The following DMRTB1 variants were observed in gnomAD, a reference collection of about 807,000 sequenced individuals.
DMRTB1 encodes the protein DMRT like family B with proline rich C-terminal 1.
DMRTB1 carries 9 observed loss-of-function variants against 25.2 expected under a neutral mutation model. The ratio of observed to expected loss-of-function variants is 0.36; its 90% CI spans 0.22 to 0.62. The LOEUF is 0.62. Among genes scored for constraint, DMRTB1 ranks in the 20% least tolerant of loss-of-function variants. DMRTB1 has a pLI of 0.71. For synonymous variants in DMRTB1, 269 were observed against 238.1 expected, an observed-to-expected ratio of 1.13 and a Z score of -1.20; for missense variants, 551 against 499.3, an observed-to-expected ratio of 1.10 and a Z score of -0.99.
intron 2 of DMRTB1, among the ~76,000 whole-genome samples, chr1:53,463,855 A>G (rs896716357): frequency 6.6e-6 from 1 of 152,220 alleles, no homozygotes; most frequent in African/African-American, 2.4e-5. Flanking sequence ...ACTCAGTATT[A>G]TTTCTTACGA....
rs768118249 is a variant in DMRTB1 at position 53,461,641 on chromosome 1, G to A, written c.746G>A (p.Gly249Asp). 6.3e-7 allele frequency: 1 copy of A among 1,584,658 alleles called. No individual in the cohort carries two copies. The highest frequency in any genetic ancestry group is 8.6e-7 in the Non-Finnish European group (1 of 1,165,876). ...TCCCGCAGCCAGTACCAAGGCGGAG[G>A]CTTGGTGAGTCCCACCCCTCACTTC... The part of the protein sequence containing the change: ...HVSRSQYQGG[G>D]LVSEPGGDFQ... The change falls in exon 2 of 4, where the codon GGC (glycine) becomes GAC (aspartate). Residue 249 changes from glycine (G) to aspartate (D), a missense_variant. Coordinates refer to ENST00000371445, the MANE Select transcript of DMRTB1 (RefSeq NM_033067.3).
Position 53,459,444 on chromosome 1 carries a change from G to T in DMRTB1, c.-10G>T, listed in dbSNP as rs1000693054. 1 of 1,612,882 alleles carries T rather than the reference G, an allele frequency of 6.2e-7. No homozygotes were observed. Among genetic ancestry groups the T allele is most frequent in the South Asian group, 1.1e-5 (1 of 91,048 alleles). Reference sequence around the variant, plus strand: ...AGGTGGTGGTTGTGTTACGAAGGCTGACCCTGCCAATGGCCGACAAAATGG... The same window carrying T: ...AGGTGGTGGTTGTGTTACGAAGGCTTACCCTGCCAATGGCCGACAAAATGG... On this transcript the variant is annotated 5_prime_UTR_variant, in exon 1 of 4. Transcript: ENST00000371445.
rs746877148 is a variant in DMRTB1 at position 53,459,710 on chromosome 1, C to CCCCCGT, written c.267_272dup (p.Val90_Pro91dup). On this transcript the variant is annotated inframe_insertion, in exon 1 of 4. Transcript: ENST00000371445. ...TCCGGGGCTGCGGCCGCCGCCCCCGCCCCCGTCCCCGTCCCGGCCGCGAGC... is the reference window on the plus strand; with the variant it reads ...TCCGGGGCTGCGGCCGCCGCCCCCGCCCCCGTCCCCGTCCCCGTCCCGGCCGCGAGC... The CCCCCGT allele has an allele frequency of 4.6e-4, 665 of 1,435,738 alleles. No individual in the cohort carries two copies. Among genetic ancestry groups the CCCCCGT allele is most frequent in the East Asian group, 5.7e-4 (19 of 33,528 alleles). 88.9% of individuals were successfully genotyped at this position (1,435,738 alleles called of 1,614,324 possible). A position where few individuals can be genotyped will look rare whatever the true frequency, so the allele number is the denominator to read the frequency against.
intron 3 of DMRTB1, among the ~76,000 whole-genome samples, 171 bp downstream of exon 3, chr1:53,465,018 A>T (rs1644043828): frequency 2.0e-5 from 3 of 152,216 alleles, no homozygotes; most frequent in African/African-American, 7.2e-5. Flanking sequence ...CCCCATAGGC[A>T]CACATCTAAG....
chr1:53,459,552 G>A lies in DMRTB1; in HGVS notation c.99G>A (p.Lys33=). ...GACACGCGGGCAAATGCCGCTGGAA[G>A]CAGTGCCTCTGCGAGAAGTGCTACC... ...VKGHAGKCRW[K]QCLCEKCYLI... is the part of the protein sequence containing the mutation. Residue 33 remains lysine (K), a synonymous_variant, in exon 1 of 4, where the codon AAG becomes AAA. Coordinates refer to ENST00000371445, the MANE Select transcript of DMRTB1 (RefSeq NM_033067.3). 1.2e-6 allele frequency: 2 copies of A among 1,612,216 alleles called. No individual in the cohort carries two copies. Among genetic ancestry groups the A allele is most frequent in the Non-Finnish European group, 1.7e-6 (2 of 1,179,566 alleles).
At chr1:53,460,203 C>A in intron 1 of DMRTB1, 173 bp downstream of exon 1, 1 of 943,794 alleles carries the variant, frequency 1.1e-6, no homozygotes, top group Non-Finnish European at 1.5e-6. Context: ...TAACTTTTCG[C>A]AAAAAGGAAA....
chr1:53,460,279 CG>C, intron 1 of DMRTB1: 1 of 465,184 alleles, frequency 2.1e-6, no homozygotes, highest in Non-Finnish European at 3.6e-6. Flanking sequence ...TGTGCCATTC[CG>C]GCATGCAAGA....
chr1:53,461,574 G>A lies in DMRTB1; in HGVS notation c.679G>A (p.Ala227Thr), dbSNP rs775187163. The A allele has an allele frequency of 1.2e-6, 2 of 1,611,350 alleles. No individual in the cohort carries two copies. The highest frequency in any genetic ancestry group is 4.5e-5 in the East Asian group (2 of 44,690). Residue 227 changes from alanine (A) to threonine (T), a missense_variant, in exon 2 of 4, where the codon GCC becomes ACC. Transcript: ENST00000371445. ...CCCGTTCCCGCTGGGCTACCTGGAC[G>A]CCCCTCCTGGCGTCCCCCTGCAGCA... ...YCPFPLGYLD[A>T]PPGVPLQQGF...
In DMRTB1 at chr1:53,459,845, C is replaced by G; in HGVS notation, c.392C>G (p.Pro131Arg). 6.7e-7 allele frequency: 1 copy of G among 1,484,588 alleles called. No homozygotes were observed. The highest frequency in any genetic ancestry group is 8.9e-7 in the Non-Finnish European group (1 of 1,126,124). The allele number at this position is 1,484,588 out of a possible 1,614,324, so 92.0% of individuals were successfully genotyped here. A position where few individuals can be genotyped will look rare whatever the true frequency, so the allele number is the denominator to read the frequency against. Residue 131 changes from proline (P) to arginine (R), a missense_variant, in exon 1 of 4, where the codon CCG (proline) becomes CGG (arginine). Coordinates refer to ENST00000371445, the MANE Select transcript of DMRTB1 (RefSeq NM_033067.3). ...EQPPRGRNPG[P>R]RALQPVLGGR... ...CCCCCGCGGGGCCGGAACCCCGGCC[C>G]GAGAGCCCTCCAGCCGGTTCTGGGC...
intron 3 of DMRTB1, among the ~76,000 whole-genome samples, chr1:53,465,244 T>G: frequency 6.6e-6 from 1 of 151,776 alleles, no homozygotes; most frequent in African/African-American, 2.4e-5. Flanking sequence ...CTAGCTGGGG[T>G]AGGGGAGCAG....
intron 2 of DMRTB1, 43 bp downstream of exon 2, chr1:53,461,688 T>C (rs1644023946): frequency 6.6e-7 from 1 of 1,508,738 alleles, no homozygotes; most frequent in South Asian, 1.3e-5. Context: ...CTCCACCCAG[T>C]CTGCCCCTGC....
intron 3 of DMRTB1, 67 bp from the exon 4 acceptor site, chr1:53,466,528 C>CT (rs1644051148): frequency 7.0e-6 from 10 of 1,430,146 alleles, no homozygotes; most frequent in Admixed American, 4.0e-5. Context: ...AGAAAATCTT[C>CT]ATCTGCAAAT....
At chr1:53,461,011 CTGAGCCGAACCA>C in intron 1 of DMRTB1, among the ~76,000 whole-genome samples, 1 of 152,306 alleles carries the variant, frequency 6.6e-6, no homozygotes, top group African/African-American at 2.4e-5. Flanking sequence ...ACAAGCAGGG[CTGAGCCGAACCA>C]TGAGCCAGGC....
At chr1:53,461,789 A>T in intron 2 of DMRTB1, 144 bp downstream of exon 2, 3 of 1,017,906 alleles carry the variant, frequency 2.9e-6, no homozygotes. Context: ...AGGACTAGGC[A>T]CTGCCCAGGC....
rs1644040314 is a variant in DMRTB1, at chr1:53,464,647, CAGG to C, written c.767_769del (p.Gly256del). 1.9e-6 allele frequency: 3 copies of C among 1,613,508 alleles called. No individual in the cohort carries two copies. The highest frequency in any genetic ancestry group is 1.3e-5 in the African/African-American group (1 of 75,010). Reference sequence around the variant, plus strand: ...GTGTGTGCCGTGCAGGTGTCAGAACCAGGAGGAGACTTCCAGCCAAGCTACTAC... The same window carrying C: ...GTGTGTGCCGTGCAGGTGTCAGAACCAGGAGACTTCCAGCCAAGCTACTAC... On this transcript the variant is annotated inframe_deletion, in exon 3 of 4. Transcript: ENST00000371445.
At chr1:53,461,410 G>T in intron 1 of DMRTB1, 63 bp from the exon 2 acceptor site, 1 of 1,490,232 alleles carries the variant, frequency 6.7e-7, no homozygotes. Flanking sequence ...GCCGCCCTGG[G>T]CCGCCCTGCG....
At position 53,459,728 on chromosome 1, in the gene DMRTB1, C is replaced by T. The variant is rs1346433338; in HGVS notation, c.275C>T (p.Ala92Val). 3.8e-6 allele frequency: 5 copies of T among 1,329,756 alleles called. No individual in the cohort carries two copies. The highest frequency in any genetic ancestry group is 3.8e-6 in the Non-Finnish European group (4 of 1,041,004). 82.4% of individuals were successfully genotyped at this position (1,329,756 alleles called of 1,614,324 possible). The change falls in exon 1 of 4, where the codon GCC becomes GTC. Residue 92 changes from alanine (A) to valine (V), a missense_variant. Physicochemically the swap from Ala to Val is moderately conservative, Grantham distance 64. Coordinates refer to ENST00000371445, the MANE Select transcript of DMRTB1 (RefSeq NM_033067.3). ...AAAPAPVPVP[A>V]ASLRPLSPGT... ...GCCCCCGCCCCCGTCCCCGTCCCGGCCGCGAGCCTCCGCCCGCTGTCCCCG... is the reference window on the plus strand; with the variant it reads ...GCCCCCGCCCCCGTCCCCGTCCCGGTCGCGAGCCTCCGCCCGCTGTCCCCG...
rs147348832 is a variant in DMRTB1, at chr1:53,460,871, C to T, written c.578-602C>T. On this transcript the variant is annotated intron_variant, in intron 1 of 3. Coordinates refer to ENST00000371445, the MANE Select transcript of DMRTB1 (RefSeq NM_033067.3). ...GCCAGGGCACTGGTCCGGAGGCTCC[C>T]GCAGGCTCGTCCCGCCCCCCTGACT... is the stretch of plus-strand genomic sequence containing the variant. Among the ~76,000 whole-genome samples, 297 of 152,326 alleles carry T rather than the reference C, an allele frequency of 1.9e-3. 1 individual carries two copies. The highest frequency in any genetic ancestry group is 5.2e-3 in the South Asian group (25 of 4,822).
Position 53,459,833 on chromosome 1 carries a change from G to A in DMRTB1, c.380G>A (p.Arg127Gln), listed in dbSNP as rs1199565675. The change falls in exon 1 of 4, where the codon CGG becomes CAG. Residue 127 changes from arginine to glutamine, a missense_variant. Transcript: ENST00000371445. ...TTCTTCGAGCAGCCCCCGCGGGGCCGGAACCCCGGCCCGAGAGCCCTCCAG... is the reference window on the plus strand; with the variant it reads ...TTCTTCGAGCAGCCCCCGCGGGGCCAGAACCCCGGCCCGAGAGCCCTCCAG... ...ACFFEQPPRGRNPGPRALQPV... is the reference protein window; with the variant it reads ...ACFFEQPPRGQNPGPRALQPV... 28 of 1,471,376 alleles carry A rather than the reference G, an allele frequency of 1.9e-5. No homozygotes were observed. The highest frequency in any genetic ancestry group is 2.4e-5 in the Admixed American group (1 of 41,222). The allele number at this position is 1,471,376 out of a possible 1,614,324, so 91.1% of individuals were successfully genotyped here. A position where few individuals can be genotyped will look rare whatever the true frequency, so the allele number is the denominator to read the frequency against.
Sources: gnomAD v4.1 joint callset for allele counts (sites outside exome capture counted in the v4.1 genomes callset) on GRCh38, gnomAD v4.1.1 for gene constraint, MANE v1.5 for transcripts, NCBI Gene and HGNC (gene_info 2026-07-23, HGNC 2026-07-21) for gene names.